The following FARP2 variants were observed in gnomAD, a reference collection of about 807,000 sequenced individuals.
FARP2 encodes the protein FERM, ARH/RhoGEF and pleckstrin domain protein 2.
A neutral mutation model predicts 130.5 loss-of-function variants in FARP2; 111 were observed. The ratio of observed to expected loss-of-function variants is 0.85; its 90% confidence interval spans 0.73 to 1.00. The LOEUF is 1.00. Ranked by LOEUF, FARP2 falls within the 50% of genes least tolerant of loss-of-function variation. The probability of loss-of-function intolerance (pLI) is 0.00; values close to 1 mark genes in which losing one functional copy is unlikely to be tolerated. For missense variants in FARP2, 1,385 were observed against 1,346.3 expected, an observed-to-expected ratio of 1.03 and a Z score of -0.45; for synonymous variants, 504 against 516.9, an observed-to-expected ratio of 0.98 and a Z score of 0.34.
At chr2:241,412,276 GC>G (rs1468184936) in intron 6 of FARP2, among the ~76,000 whole-genome samples, 1 of 152,050 alleles carries the variant, frequency 6.6e-6, no homozygotes, top group Admixed American at 6.6e-5. Flanking sequence ...GAAAAGATCC[GC>G]CCCCATGAGT....
chr2:241,448,992 C>T (rs1031736013), intron 13 of FARP2, among the ~76,000 whole-genome samples: 16 of 152,310 alleles, frequency 1.1e-4, no homozygotes, highest in Middle Eastern at 3.4e-3. Flanking sequence ...GACCCCTTGC[C>T]ATTAACCATT....
chr2:241,445,672 T>G (rs1445940610), intron 13 of FARP2: 1 of 152,182 alleles, frequency 6.6e-6, no homozygotes, highest in African/African-American at 2.4e-5. Flanking sequence ...TTGAAAGAAG[T>G]ATGCAGATTT....
intron 21 of FARP2, among the ~76,000 whole-genome samples, chr2:241,486,475 A>G (rs1219375524): frequency 9.4e-4 from 131 of 139,584 alleles, no homozygotes; most frequent in African/African-American, 3.3e-3. Context: ...AAAAAAAAAA[A>G]AAAAAAAAAA....
chr2:241,456,712 T>C (rs906191469), intron 13 of FARP2, 35 bp from the exon 14 acceptor site: 1 of 1,611,992 alleles, frequency 6.2e-7, no homozygotes, highest in Non-Finnish European at 8.5e-7. Flanking sequence ...CCCTTTCTCA[T>C]TTCTCGCTCC....
intron 18 of FARP2, among the ~76,000 whole-genome samples, chr2:241,472,980 G>C (rs568227430): frequency 6.6e-6 from 1 of 150,944 alleles, no homozygotes; most frequent in East Asian, 2.0e-4. Flanking sequence ...ATCCTTTTCT[G>C]TGGGGACCCT....
In FARP2 at chr2:241,453,768, G is replaced by GTTTTTTTTTTTTTTTTTTTTTTTTTT. The variant is rs1559786201; in HGVS notation, c.1412-2979_1412-2978insTTTTTTTTTTTTTTTTTTTTTTTTTT. ...TTGTTTACTGGGAGTGGCACTTACT[G>GTTTTTTTTTTTTTTTTTTTTTTTTTT]GTTTTTTTTTTTTTTTTTTTTTTTT... On this transcript the variant is annotated intron_variant, in intron 13 of 26. Transcript: ENST00000264042. 6.0e-5 allele frequency among the ~76,000 whole-genome samples: 6 copies of GTTTTTTTTTTTTTTTTTTTTTTTTTT among 99,896 alleles called. 2 individuals carry two copies. The highest frequency in any genetic ancestry group is 8.0e-5 in the African/African-American group (2 of 25,058). The allele number at this position is 99,896 out of a possible 152,430, so 65.5% of individuals were successfully genotyped here.
At chr2:241,449,324 C>CA (rs1377488965) in intron 13 of FARP2, among the ~76,000 whole-genome samples, 1 of 151,230 alleles carries the variant, frequency 6.6e-6, no homozygotes, top group Non-Finnish European at 1.5e-5. Flanking sequence ...AAAAGAAAGA[C>CA]AAAAAAAATA....
intron 3 of FARP2, 32 bp downstream of exon 3, chr2:241,403,964 C>A (rs1448781591): frequency 8.1e-7 from 1 of 1,230,572 alleles, no homozygotes; most frequent in Non-Finnish European, 1.2e-6. Flanking sequence ...AGGCGTGGAG[C>A]CTTTGGGCCT....
chr2:241,357,307 G>C (rs1450318389), intron 1 of FARP2, among the ~76,000 whole-genome samples: 1 of 152,162 alleles, frequency 6.6e-6, no homozygotes, highest in African/African-American at 2.4e-5. Flanking sequence ...GTGGCAGTGG[G>C]TTAGCGTGTT....
intron 2 of FARP2, among the ~76,000 whole-genome samples, chr2:241,391,654 A>T (rs908673003): frequency 1.4e-4 from 22 of 152,150 alleles, no homozygotes; most frequent in African/African-American, 5.1e-4. Flanking sequence ...ACGCCAAGTG[A>T]ACCTCCATTT....
chr2:241,484,085 G>A (rs1192236497), intron 20 of FARP2, 157 bp from the exon 21 acceptor site: 7 of 1,420,848 alleles, frequency 4.9e-6, no homozygotes, highest in Admixed American at 2.5e-5. Context: ...GGTCAAAAAC[G>A]ACCAAATGAA....
rs142749041 is a variant in FARP2 at position 241,417,076 on chromosome 2, G to A, written c.624-886G>A. 9.8e-3 allele frequency among the ~76,000 whole-genome samples: 1,488 copies of A among 152,190 alleles called. 13 individuals carry two copies. Among genetic ancestry groups the A allele is most frequent in the Non-Finnish European group, 0.014 (929 of 67,996 alleles). ...AGCACTTTGAGAAGCCAAGGTGGGC[G>A]GATCACCTGAGGTCAGGAGTTTGAG... On this transcript the variant is annotated intron_variant, in intron 7 of 26. Transcript: ENST00000264042.
rs57774022 is a variant in FARP2 at position 241,415,989 on chromosome 2, C to CTGTGTGTGTGTG, written c.624-1939_624-1928dup. Among the ~76,000 whole-genome samples the CTGTGTGTGTGTG allele has an allele frequency of 3.1e-3, 441 of 141,764 alleles. 3 individuals carry two copies. The highest frequency in any genetic ancestry group is 5.3e-3 in the African/African-American group (196 of 37,118). 93.0% of individuals were successfully genotyped at this position (141,764 alleles called of 152,430 possible). On this transcript the variant is annotated intron_variant, in intron 7 of 26. Coordinates refer to ENST00000264042, the MANE Select transcript of FARP2 (RefSeq NM_014808.4). ...AAAGAACTGGACCCTCAGGGTAGTT[C>CTGTGTGTGTGTG]TGTGTGTGTGTGTGTGTGTGTGTGT...
chr2:241,361,862 G>A (rs928461626), intron 1 of FARP2, among the ~76,000 whole-genome samples: 2 of 151,564 alleles, frequency 1.3e-5, no homozygotes, highest in African/African-American at 4.8e-5. Context: ...TAAATTTCTT[G>A]TCCCCTTTAT....
At chr2:241,442,939 C>G (rs2063424364) in intron 13 of FARP2, 1 of 200,274 alleles carries the variant, frequency 5.0e-6, no homozygotes, top group Admixed American at 5.5e-5. Context: ...AGCCCTGTTG[C>G]CTATAATTAA....
intron 2 of FARP2, among the ~76,000 whole-genome samples, chr2:241,391,582 T>C (rs1159455511): frequency 6.6e-6 from 1 of 152,172 alleles, no homozygotes; most frequent in Non-Finnish European, 1.5e-5. Context: ...CTGAGAGCAC[T>C]AGAAGGCACA....
At chr2:241,452,839 G>GC (rs1304515136) in intron 13 of FARP2, among the ~76,000 whole-genome samples, 1 of 151,466 alleles carries the variant, frequency 6.6e-6, no homozygotes, top group Non-Finnish European at 1.5e-5. Flanking sequence ...TACTCGGGAG[G>GC]CTGAGGCACG....
chr2:241,366,109 ATATATATATATACG>A (rs2061304200), intron 1 of FARP2, among the ~76,000 whole-genome samples: 2 of 17,000 alleles, frequency 1.2e-4, no homozygotes, highest in African/African-American at 2.0e-4. Context: ...AAAAAAATAT[ATATATATATATACG>A]TATATATATA....
At chr2:241,434,920 G>A in intron 10 of FARP2, 42 bp from the exon 11 acceptor site, 1 of 1,164,748 alleles carries the variant, frequency 8.6e-7, no homozygotes, top group Non-Finnish European at 1.3e-6. Context: ...AATTAATGCT[G>A]ACTTACTGTT....
Sources: gnomAD v4.1 joint callset for allele counts (sites outside exome capture counted in the v4.1 genomes callset) on GRCh38, gnomAD v4.1.1 for gene constraint, MANE v1.5 for transcripts, NCBI Gene and HGNC (gene_info 2026-07-23, HGNC 2026-07-21) for gene names.